The following RYR3 variants were observed in gnomAD, a reference collection of about 807,000 sequenced individuals.
RYR3 encodes ryanodine receptor 3, also known as brain ryanodine receptor-calcium release channel.
Under a neutral mutation model 584.3 loss-of-function variants are expected in RYR3, and 207 were observed. The ratio of observed to expected loss-of-function variants is 0.35; its 90% CI spans 0.32 to 0.40. The LOEUF is 0.40. Among genes scored for constraint, RYR3 ranks in the 10% least tolerant of loss-of-function variants. RYR3 has a pLI of 1.00. For missense variants in RYR3, 5,616 were observed against 6,089.2 expected, an observed-to-expected ratio of 0.92 and a Z score of 2.59; for synonymous variants, 2,416 against 2,248.5, an observed-to-expected ratio of 1.07 and a Z score of -2.11.
At chr15:33,557,966 A>T (rs911784082) in intron 10 of RYR3, among the ~76,000 whole-genome samples, 6 of 152,376 alleles carry the variant, frequency 3.9e-5, no homozygotes, top group Middle Eastern at 6.8e-3. Flanking sequence ...AACAAGGTTG[A>T]TGCAGATAAA....
intron 1 of RYR3, among the ~76,000 whole-genome samples, chr15:33,324,019 G>T (rs1969360522): frequency 6.6e-6 from 1 of 152,122 alleles, no homozygotes; most frequent in Non-Finnish European, 1.5e-5. Context: ...CACAGGTTAG[G>T]TATAATATGT....
chr15:33,376,361 A>G (rs1278533197), intron 1 of RYR3, among the ~76,000 whole-genome samples: 1 of 152,150 alleles, frequency 6.6e-6, no homozygotes, highest in Non-Finnish European at 1.5e-5. Flanking sequence ...TTGCTTATCC[A>G]TTCCCCTCTG....
intron 67 of RYR3, among the ~76,000 whole-genome samples, chr15:33,800,269 A>G (rs938037989): frequency 4.6e-5 from 7 of 152,230 alleles, no homozygotes; most frequent in African/African-American, 1.7e-4. Flanking sequence ...AACTGGCTTT[A>G]AAGGAAAAGG....
At chr15:33,610,218 G>A (rs970130142) in intron 18 of RYR3, among the ~76,000 whole-genome samples, 2 of 152,010 alleles carry the variant, frequency 1.3e-5, no homozygotes, top group Admixed American at 1.3e-4. Flanking sequence ...CAGCCATTCT[G>A]CAACTATGTT....
intron 43 of RYR3, among the ~76,000 whole-genome samples, chr15:33,711,072 C>G (rs1596274871): frequency 6.6e-6 from 1 of 152,184 alleles, no homozygotes; most frequent in East Asian, 1.9e-4. Flanking sequence ...TTGATTTCCT[C>G]TTCTGAAAAA....
In RYR3 at chr15:33,725,993, A is replaced by ATAC. The variant is rs1555427713; in HGVS notation, c.6913-393_6913-392insTAC. Among the ~76,000 whole-genome samples, 249 of 79,076 alleles carry ATAC rather than the reference A, an allele frequency of 3.1e-3. 23 individuals are homozygous for ATAC. Among genetic ancestry groups the ATAC allele is most frequent in the African/African-American group, 9.6e-3 (235 of 24,456 alleles). The allele number at this position is 79,076 out of a possible 152,430, so 51.9% of individuals were successfully genotyped here. A position where few individuals can be genotyped will look rare whatever the true frequency, so the allele number is the denominator to read the frequency against. ...CCCCCCCCCAAAAAAAAAAAAAAAAAAAAACAGAATTCTAGAGTCTGGCAT... is the reference window on the plus strand; with the variant it reads ...CCCCCCCCCAAAAAAAAAAAAAAAAATACAAAACAGAATTCTAGAGTCTGGCAT... On this transcript the variant is annotated intron_variant, in intron 45 of 103. Transcript: ENST00000634891.
intron 67 of RYR3, among the ~76,000 whole-genome samples, chr15:33,792,292 G>A (rs1596613079): frequency 6.6e-6 from 1 of 152,066 alleles, no homozygotes; most frequent in Non-Finnish European, 1.5e-5. Flanking sequence ...GAGGAGAGGT[G>A]GAAAAGAGCA....
intron 31 of RYR3, among the ~76,000 whole-genome samples, chr15:33,651,232 T>C (rs966837957): frequency 6.6e-6 from 1 of 152,264 alleles, no homozygotes; most frequent in Non-Finnish European, 1.5e-5. Flanking sequence ...TAGGACATTT[T>C]GAATTTGGGC....
In RYR3 at chr15:33,539,335, G is replaced by A. The variant is rs1162843539; in HGVS notation, c.434-15G>A. ...TTCTGTGAAGCAATGACTAACTCAA[G>A]GAGCCTTCATGTAGGAGAAGCCTGT... is the stretch of plus-strand genomic sequence containing the variant. On this transcript the variant is annotated splice_polypyrimidine_tract_variant and intron_variant, in intron 5 of 103. Coordinates refer to ENST00000634891, the MANE Select transcript of RYR3 (RefSeq NM_001036.6). 7 of 1,527,116 alleles carry A rather than the reference G, an allele frequency of 4.6e-6. No homozygotes were observed. In the South Asian group the frequency reaches 8.3e-5, roughly 18 times the overall value. The allele number at this position is 1,527,116 out of a possible 1,614,324, so 94.6% of individuals were successfully genotyped here.
rs182280461 is a variant in RYR3 at position 33,526,310 on chromosome 15, G to A, written c.280-4282G>A. ...GTGGAACATTTTTCCTCTGGACATG[G>A]CATCAGGGCCTTTTACCAGCATTTC... On this transcript the variant is annotated intron_variant, in intron 3 of 103. Coordinates refer to ENST00000634891, the MANE Select transcript of RYR3 (RefSeq NM_001036.6). Among the ~76,000 whole-genome samples the A allele has an allele frequency of 1.1e-3, 172 of 152,310 alleles. 2 individuals are homozygous for A. The highest frequency in any genetic ancestry group is 3.2e-4 in the Non-Finnish European group (22 of 68,036).
chr15:33,629,991 C>G lies in RYR3; in HGVS notation c.2731C>G (p.Leu911Val). 6.2e-7 allele frequency: 1 copy of G among 1,606,918 alleles called. No individual in the cohort carries two copies. Among genetic ancestry groups the G allele is most frequent in the Non-Finnish European group, 8.5e-7 (1 of 1,176,768 alleles). The change falls in exon 22 of 104, where the codon CTC becomes GTC. Residue 911 changes from leucine (L) to valine (V), a missense_variant. Around this residue, in one of 9 missense-constraint regions of RYR3, gnomAD observed 1,284 missense variants for 1,344.6 expected, o/e 0.95. Transcript: ENST00000634891. ...CCCTTGCCTTGTGGAGTTTTCAAAG[C>G]TCCCAGAAACTGAGAAGAACTATAA... ...QHPCLVEFSK[L>V]PETEKNYNLQ...
In RYR3 at chr15:33,631,209, G is replaced by T; in HGVS notation, c.2784-1G>T. 1 of 1,574,480 alleles carries T rather than the reference G, an allele frequency of 6.4e-7. No homozygotes were observed. Among genetic ancestry groups the T allele is most frequent in the African/African-American group, 1.3e-5 (1 of 74,270 alleles). On this transcript the variant is annotated splice_acceptor_variant, in intron 22 of 103. Transcript: ENST00000634891. LOFTEE classifies it high-confidence loss of function. ...AGTCTTCTCCTTCTGTTGTGTCACA[G>T]AACCCTCTTGGCCCTGGGGTGCCAC...
At chr15:33,449,908 G>A (rs78635487) in intron 1 of RYR3, among the ~76,000 whole-genome samples, 18,421 of 151,940 alleles carry the variant, frequency 0.12, 1,463 homozygotes, top group East Asian at 0.35. Context: ...AAAGGCAGCC[G>A]AGGAAGTAGA....
At chr15:33,505,154 T>C (rs1476483420) in intron 3 of RYR3, among the ~76,000 whole-genome samples, 1 of 152,220 alleles carries the variant, frequency 6.6e-6, no homozygotes, top group African/African-American at 2.4e-5. Context: ...GAAGAGACAA[T>C]TGACCATAGA....
chr15:33,698,617 A>T (rs2066034849), intron 40 of RYR3, among the ~76,000 whole-genome samples: 1 of 150,822 alleles, frequency 6.6e-6, no homozygotes, highest in Non-Finnish European at 1.5e-5. Flanking sequence ...TGGAAATTCC[A>T]GAGTGCCAGG....
At chr15:33,651,995 T>A (rs2062504094) in intron 31 of RYR3, among the ~76,000 whole-genome samples, 1 of 152,324 alleles carries the variant, frequency 6.6e-6, no homozygotes, top group Admixed American at 6.5e-5. Context: ...GGAATCAGGC[T>A]TTGGGAGCCT....
chr15:33,769,657 G>GA (rs1251262923), intron 62 of RYR3, among the ~76,000 whole-genome samples: 1 of 152,190 alleles, frequency 6.6e-6, no homozygotes, highest in South Asian at 2.1e-4. Context: ...TGATGAGACT[G>GA]AAAAGAGAGA....
intron 32 of RYR3, among the ~76,000 whole-genome samples, chr15:33,654,823 G>T (rs1375492888): frequency 6.6e-6 from 1 of 152,196 alleles, no homozygotes; most frequent in Non-Finnish European, 1.5e-5. Context: ...GATGTACATG[G>T]ATAAAACCCC....
intron 65 of RYR3, among the ~76,000 whole-genome samples, chr15:33,781,859 A>AG (rs1315417157): frequency 0.057 from 7,215 of 126,654 alleles, 307 homozygotes; most frequent in African/African-American, 0.12. Context: ...AAAAAAAAAA[A>AG]GGGGGGGGGG....
Sources: allele counts gnomAD v4.1 joint callset (sites outside exome capture counted in the v4.1 genomes callset), GRCh38; gene constraint gnomAD v4.1.1; regional missense constraint gnomAD v4.1.1; transcripts MANE v1.5; gene names NCBI Gene and HGNC (gene_info 2026-07-23, HGNC 2026-07-21).